ADAMTS17: variants seen among roughly 807,000 people sequenced by gnomAD.
The protein encoded by ADAMTS17 is A disintegrin and metalloproteinase with thrombospondin motifs 17.
ADAMTS17 carries 113 observed loss-of-function variants against 141.5 expected under a neutral mutation model. The ratio of observed to expected loss-of-function variants is 0.80; its 90% confidence interval spans 0.69 to 0.93. The LOEUF (loss-of-function observed/expected upper bound fraction) is 0.93. ADAMTS17 is among the 40% of genes least tolerant of loss of function. ADAMTS17 has a pLI of 0.00. For missense variants in ADAMTS17, 1,659 were observed against 1,517.9 expected, an observed-to-expected ratio of 1.09 and a Z score of -1.54; for synonymous variants, 768 against 630.6, an observed-to-expected ratio of 1.22 and a Z score of -3.27.
chr15:100,192,214 G>A (rs1288164335), intron 8 of ADAMTS17, among the ~76,000 whole-genome samples: 1 of 152,202 alleles, frequency 6.6e-6, no homozygotes. Flanking sequence ...TGAGGGAAAC[G>A]TGAGAACCCT....
At chr15:100,132,230 C>A in intron 11 of ADAMTS17, 78 bp from the exon 12 acceptor site, 2 of 1,550,354 alleles carry the variant, frequency 1.3e-6, no homozygotes, top group Non-Finnish European at 1.7e-6. Flanking sequence ...CCCAAAATGC[C>A]GTGCTGCCAA....
At chr15:100,159,864 C>T (rs929777306) in intron 8 of ADAMTS17, among the ~76,000 whole-genome samples, 1 of 152,152 alleles carries the variant, frequency 6.6e-6, no homozygotes, top group Non-Finnish European at 1.5e-5. Context: ...GTGAAACATT[C>T]AGGAATGTAA....
intron 20 of ADAMTS17, chr15:99,979,098 TTC>T (rs2060428282): frequency 6.6e-6 from 1 of 152,228 alleles, no homozygotes; most frequent in Admixed American, 6.5e-5. Flanking sequence ...TCAGTCAAAA[TTC>T]TTTTTAGAGG....
chr15:100,166,712 G>A (rs182670104), intron 8 of ADAMTS17, among the ~76,000 whole-genome samples: 130 of 152,296 alleles, frequency 8.5e-4, no homozygotes, highest in Middle Eastern at 3.4e-3. Flanking sequence ...GAGAGATGAG[G>A]GGCATGAACC....
intron 4 of ADAMTS17, among the ~76,000 whole-genome samples, chr15:100,270,117 C>T (rs2043852778): frequency 8.3e-6 from 1 of 120,414 alleles, no homozygotes; most frequent in East Asian, 1.9e-4. Flanking sequence ...GCAGCCATTT[C>T]TTCTGTGACT....
intron 3 of ADAMTS17, among the ~76,000 whole-genome samples, chr15:100,327,215 A>C (rs4965638): frequency 0.072 from 11,017 of 152,310 alleles, 887 homozygotes; most frequent in East Asian, 0.25. Flanking sequence ...TACACGTATT[A>C]TACGTGCAAA....
intron 12 of ADAMTS17, among the ~76,000 whole-genome samples, chr15:100,119,380 C>T (rs932974317): frequency 1.3e-4 from 20 of 152,194 alleles, no homozygotes; most frequent in African/African-American, 4.1e-4. Flanking sequence ...AGGAACAAAA[C>T]ACGGACTGGA....
At chr15:100,214,870 T>C (rs2041921370) in intron 7 of ADAMTS17, among the ~76,000 whole-genome samples, 1 of 152,254 alleles carries the variant, frequency 6.6e-6, no homozygotes, top group Non-Finnish European at 1.5e-5. Context: ...AACGACACCA[T>C]GAAAGAGTAA....
intron 7 of ADAMTS17, among the ~76,000 whole-genome samples, chr15:100,217,473 C>T (rs1596301520): frequency 6.6e-6 from 1 of 152,232 alleles, no homozygotes; most frequent in East Asian, 1.9e-4. Context: ...GTGGTGGGTG[C>T]CTATATTCCC....
At chr15:100,092,173 CA>C (rs1192385643) in intron 15 of ADAMTS17, among the ~76,000 whole-genome samples, 1 of 152,222 alleles carries the variant, frequency 6.6e-6, no homozygotes, top group Non-Finnish European at 1.5e-5. Context: ...AACTTACCCC[CA>C]GCAGGCTAGG....
At chr15:100,299,522 A>C (rs1296612250) in intron 3 of ADAMTS17, among the ~76,000 whole-genome samples, 1 of 152,066 alleles carries the variant, frequency 6.6e-6, no homozygotes, top group Non-Finnish European at 1.5e-5. Flanking sequence ...AGAAAAAAAA[A>C]AAAAAAGAAC....
intron 8 of ADAMTS17, among the ~76,000 whole-genome samples, chr15:100,174,604 TCTC>T (rs1368370697): frequency 6.6e-6 from 1 of 152,206 alleles, no homozygotes; most frequent in Non-Finnish European, 1.5e-5. Context: ...AATATTCACT[TCTC>T]CTAGTATAAA....
intron 4 of ADAMTS17, among the ~76,000 whole-genome samples, chr15:100,274,026 A>G (rs2043998414): frequency 1.3e-5 from 2 of 152,106 alleles, no homozygotes; most frequent in African/African-American, 2.4e-5. Flanking sequence ...ACTTCACCCC[A>G]TTGTTGTCAG....
chr15:100,067,529 T>C (rs1387940311), intron 15 of ADAMTS17, among the ~76,000 whole-genome samples: 2 of 152,216 alleles, frequency 1.3e-5, no homozygotes, highest in South Asian at 4.1e-4. Context: ...TGTGTCAACC[T>C]TTCTTGGGAC....
intron 15 of ADAMTS17, among the ~76,000 whole-genome samples, chr15:100,095,731 C>G (rs1379607719): frequency 6.6e-6 from 1 of 152,072 alleles, no homozygotes; most frequent in Non-Finnish European, 1.5e-5. Context: ...AAAGTTGTGT[C>G]CCATGTAAGA....
intron 4 of ADAMTS17, 106 bp from the exon 5 acceptor site, chr15:100,262,541 A>G (rs2043560222): frequency 1.2e-6 from 1 of 816,646 alleles, no homozygotes; most frequent in South Asian, 1.6e-5. Flanking sequence ...TTATGTAAAA[A>G]TAAGGAAATA....
chr15:100,022,339 G>C (rs549542163), intron 18 of ADAMTS17, among the ~76,000 whole-genome samples: 1 of 152,170 alleles, frequency 6.6e-6, no homozygotes, highest in East Asian at 1.9e-4. Flanking sequence ...CTAAGGCAGC[G>C]TGTGCTGAGT....
At chr15:100,120,038 T>C (rs746980711) in intron 12 of ADAMTS17, among the ~76,000 whole-genome samples, 10 of 152,318 alleles carry the variant, frequency 6.6e-5, no homozygotes, top group African/African-American at 1.7e-4. Flanking sequence ...GCAGAGAGCA[T>C]TGCACAGGAG....
At chr15:100,274,642 A>G (rs2142047626) in intron 4 of ADAMTS17, among the ~76,000 whole-genome samples, 1 of 152,314 alleles carries the variant, frequency 6.6e-6, no homozygotes, top group East Asian at 1.9e-4. Context: ...TCTGTCTTTG[A>G]TTGAAGTTTA....
Sources: gnomAD v4.1 joint callset for allele counts (sites outside exome capture counted in the v4.1 genomes callset) on GRCh38, gnomAD v4.1.1 for gene constraint, MANE v1.5 for transcripts, NCBI Gene and HGNC (gene_info 2026-07-23, HGNC 2026-07-21) for gene names.